Variants in PSG4 observed in about 807,000 individuals in gnomAD.
PSG4 encodes pregnancy specific beta-1-glycoprotein 4.
In PSG4, 61 loss-of-function variants were observed where a neutral mutation model predicts 44.3. The observed-to-expected ratio is 1.38, with a 90% CI of 1.12 to 1.70. The LOEUF is 1.70. Among genes scored for constraint, PSG4 ranks in the 40% most tolerant of loss-of-function variants. The pLI is 0.00. For missense variants in PSG4, 677 were observed against 511.7 expected (o/e 1.32, Z -3.12); for synonymous variants, 248 against 191.3 (o/e 1.30, Z -2.45).
Position 43,204,128 on chromosome 19 carries a change from G to C in PSG4, c.188C>G (p.Ala63Gly). ...TTGCCCTTTGTACCAAATGTAGCCA[G>C]CAAGATTCTGGGGCAAATTGTGGAC... ...LLVHNLPQNL[A>G]GYIWYKGQMT... is the part of the protein sequence containing the mutation. Residue 63 changes from alanine to glycine, a missense_variant, in exon 2 of 6, where the codon GCT becomes GGT. Ala to Gly is a moderately conservative substitution (Grantham distance 60). Coordinates refer to ENST00000405312, the MANE Select transcript of PSG4 (RefSeq NM_002780.5). The C allele has an allele frequency of 6.3e-7, 1 of 1,587,526 alleles. No homozygotes were observed. The highest frequency in any genetic ancestry group is 8.5e-7 in the Non-Finnish European group (1 of 1,171,726).
At chr19:43,200,816 T>C (rs1471234131) in intron 2 of PSG4, among the ~76,000 whole-genome samples, 3 of 146,114 alleles carry the variant, frequency 2.1e-5, no homozygotes, top group African/African-American at 5.2e-5. Flanking sequence ...ACCTTGTGCC[T>C]GCCTCGGCCT....
At chr19:43,195,667 G>C (rs1225100615) in intron 3 of PSG4, among the ~76,000 whole-genome samples, 1 of 151,358 alleles carries the variant, frequency 6.6e-6, no homozygotes, top group African/African-American at 2.4e-5. Context: ...TGCCCCCCTA[G>C]ATGAGATTTC....
chr19:43,192,749 T>C lies in PSG4; in HGVS notation c.*623A>G, dbSNP rs184253521. ...TATTCTGCTAGAATCAGTATTACTG[T>C]CACGTTTTACACTGTATCTCTTAGG... On this transcript the variant is annotated 3_prime_UTR_variant, in exon 6 of 6. Coordinates refer to ENST00000405312, the MANE Select transcript of PSG4 (RefSeq NM_002780.5). 148 of 169,572 alleles carry C rather than the reference T, an allele frequency of 8.7e-4. No individual in the cohort carries two copies. The East Asian group carries it at 0.021, about 24-fold the overall frequency. 10.5% of individuals were successfully genotyped at this position (169,572 alleles called of 1,614,324 possible).
Position 43,194,496 on chromosome 19 carries a change from G to C in PSG4, c.1087C>G (p.Gln363Glu). The change falls in exon 5 of 6, where the codon CAA (glutamine) becomes GAA (glutamate). Residue 363 changes from glutamine (Q) to glutamate (E), a missense_variant. By Grantham distance (29) the Gln-to-Glu change is conservative. Coordinates refer to ENST00000405312, the MANE Select transcript of PSG4 (RefSeq NM_002780.5). ...TTCCCATTAATTGTCCAAGAATATT[G>C]TGCCCGTGGGTTAGACTCGGCGAAG... ...SCFAESNPRA[Q>E]YSWTINGKFQ... 6.2e-7 allele frequency: 1 copy of C among 1,612,492 alleles called. No individual in the cohort carries two copies. The highest frequency in any genetic ancestry group is 1.1e-5 in the South Asian group (1 of 91,032).
chr19:43,202,800 T>A (rs1967575398), intron 2 of PSG4, among the ~76,000 whole-genome samples: 1 of 144,644 alleles, frequency 6.9e-6, no homozygotes, highest in African/African-American at 2.7e-5. Flanking sequence ...CTCTCACTCC[T>A]CTGAGGTTTG....
In PSG4 at chr19:43,193,037, A is replaced by C. The variant is rs190186813; in HGVS notation, c.*335T>G. The C allele has an allele frequency of 1.6e-3, 938 of 580,052 alleles. 15 individuals are homozygous for C. Among genetic ancestry groups the C allele is most frequent in the Middle Eastern group, 6.8e-3 (15 of 2,196 alleles). The allele number at this position is 580,052 out of a possible 1,614,324, so 35.9% of individuals were successfully genotyped here. The stretch of plus-strand genomic sequence containing the variant: ...CTACATGTGAAATTCTAATGACTGC[A>C]TTATCCTGCCAAGTGAAAGAGGCAG... On this transcript the variant is annotated 3_prime_UTR_variant, in exon 6 of 6. Coordinates refer to ENST00000405312, the MANE Select transcript of PSG4 (RefSeq NM_002780.5).
intron 1 of PSG4, 40 bp from the exon 2 acceptor site, chr19:43,204,291 T>A: frequency 6.6e-7 from 1 of 1,516,496 alleles, no homozygotes; most frequent in Non-Finnish European, 8.8e-7. Flanking sequence ...TTGAGACCTA[T>A]GTATTGGGGT....
At chr19:43,198,363 C>G (rs1967352323) in intron 2 of PSG4, 88 bp from the exon 3 acceptor site, 1 of 1,506,836 alleles carries the variant, frequency 6.6e-7, no homozygotes, top group East Asian at 2.7e-5. Flanking sequence ...CATTTCCCAC[C>G]TCTCAGCCCA....
At position 43,194,416 on chromosome 19, in the gene PSG4, A is replaced by C. The variant is rs143496527; in HGVS notation, c.1167T>G (p.Ser389Arg). The change falls in exon 5 of 6, where the codon AGT becomes AGG. Residue 389 changes from serine (S) to arginine (R), a missense_variant. By Grantham distance (110) the Ser-to-Arg change is moderately radical (BLOSUM62 -1). Transcript: ENST00000405312. ...LSIPQITTKH[S>R]GLYACSVRNS... ...TACGAACAGAGCAAGCATAGAGCCC[A>C]CTATGCTTTGTAGTTATTTGGGGGA... 7.4e-5 allele frequency: 119 copies of C among 1,612,406 alleles called. 3 individuals are homozygous for C. Among genetic ancestry groups the C allele is most frequent in the Non-Finnish European group, 9.9e-5 (117 of 1,179,072 alleles).
chr19:43,203,766 C>G (rs993525745), intron 2 of PSG4, 120 bp downstream of exon 2: 2 of 1,484,162 alleles, frequency 1.3e-6, no homozygotes, highest in South Asian at 1.3e-5. Context: ...TGCCCAAACC[C>G]CAGCATGGGA....
chr19:43,194,002 G>GA lies in PSG4; in HGVS notation c.1243+337dup, dbSNP rs980998116. Reference sequence around the variant, plus strand: ...GCTACAAGCTATAGATAGATTAAAAGAAAAAAATTCCATAAATCTAGAAAA... The same window carrying GA: ...GCTACAAGCTATAGATAGATTAAAAGAAAAAAAATTCCATAAATCTAGAAAA... On this transcript the variant is annotated intron_variant, in intron 5 of 5. Coordinates refer to ENST00000405312, the MANE Select transcript of PSG4 (RefSeq NM_002780.5). The GA allele has an allele frequency of 2.6e-5, 24 of 925,094 alleles. No individual in the cohort carries two copies. In the African/African-American group the frequency reaches 2.7e-4, roughly 10 times the overall value. The allele number at this position is 925,094 out of a possible 1,614,324, so 57.3% of individuals were successfully genotyped here. A position where few individuals can be genotyped will look rare whatever the true frequency, so the allele number is the denominator to read the frequency against.
intron 2 of PSG4, chr19:43,198,524 A>C (rs1967359912): frequency 1.5e-6 from 1 of 666,700 alleles, no homozygotes. Context: ...GGGTCATGGA[A>C]AGACACAGGA....
At chr19:43,202,887 G>A (rs550761804) in intron 2 of PSG4, among the ~76,000 whole-genome samples, 4 of 144,798 alleles carry the variant, frequency 2.8e-5, no homozygotes, top group East Asian at 4.8e-4. Context: ...CACTTCTGGT[G>A]GAGGAGAGGA....
chr19:43,201,302 T>G (rs1967499775), intron 2 of PSG4, among the ~76,000 whole-genome samples: 1 of 145,574 alleles, frequency 6.9e-6, no homozygotes, highest in South Asian at 2.2e-4. Context: ...GGACGGCCTT[T>G]GTCAAACTAG....
chr19:43,194,924 G>T, intron 4 of PSG4, 71 bp downstream of exon 4: 1 of 1,586,536 alleles, frequency 6.3e-7, no homozygotes, highest in Non-Finnish European at 8.6e-7. Context: ...GAGAGAGACT[G>T]AGAGACCTGG....
intron 2 of PSG4, chr19:43,202,988 C>T (rs1967589776): frequency 6.9e-6 from 1 of 145,726 alleles, no homozygotes; most frequent in Non-Finnish European, 1.5e-5. Flanking sequence ...CTTCCTGTGC[C>T]TCAGTTTTCT....
chr19:43,203,194 C>G (rs1568389742), intron 2 of PSG4: 1 of 146,746 alleles, frequency 6.8e-6, no homozygotes, highest in African/African-American at 2.6e-5. Context: ...CTACCAGGTA[C>G]ATCTTCTCCT....
chr19:43,197,972 TC>T (rs1568385778), intron 3 of PSG4, 24 bp downstream of exon 3: 1 of 1,587,396 alleles, frequency 6.3e-7, no homozygotes, highest in Non-Finnish European at 8.5e-7. Context: ...GCAGCCTGGC[TC>T]ACAGAGGAAC....
intron 3 of PSG4, chr19:43,196,536 T>C (rs1967253956): frequency 6.6e-6 from 1 of 151,584 alleles, no homozygotes; most frequent in Non-Finnish European, 1.5e-5. Context: ...ATCTGAAAGA[T>C]TCAAAATCTA....
Sources: gnomAD v4.1 joint callset for allele counts (sites outside exome capture counted in the v4.1 genomes callset) on GRCh38, gnomAD v4.1.1 for gene constraint, MANE v1.5 for transcripts, NCBI Gene and HGNC (gene_info 2026-07-23, HGNC 2026-07-21) for gene names.